TAFA4: variants seen among roughly 807,000 people sequenced by gnomAD.
TAFA4 encodes TAFA chemokine like family member 4.
In TAFA4, 20 loss-of-function variants were observed where a neutral mutation model predicts 21.1. The ratio of observed to expected loss-of-function variants is 0.95; its 90% CI spans 0.67 to 1.38. TAFA4 has a LOEUF of 1.38. Among genes scored for constraint, TAFA4 ranks in the 40% most tolerant of loss-of-function variants. TAFA4 has a pLI of 0.00. For synonymous variants in TAFA4, 71 were observed against 67.4 expected, an observed-to-expected ratio of 1.05 and a Z score of -0.26; for missense variants, 211 against 180.9, an observed-to-expected ratio of 1.17 and a Z score of -0.95.
chr3:68,772,387 G>C (rs1702974242), intron 3 of TAFA4, among the ~76,000 whole-genome samples: 1 of 152,188 alleles, frequency 6.6e-6, no homozygotes, highest in South Asian at 2.1e-4. Context: ...GGACTGAGTA[G>C]GGAAGAGCCA....
At chr3:68,825,542 T>C (rs1704210655) in intron 3 of TAFA4, among the ~76,000 whole-genome samples, 1 of 147,434 alleles carries the variant, frequency 6.8e-6, no homozygotes, top group Non-Finnish European at 1.5e-5. Context: ...CTAGAGTGTG[T>C]GCAGTCACTG....
At chr3:68,841,540 T>C (rs1039575538) in intron 3 of TAFA4, among the ~76,000 whole-genome samples, 2 of 152,078 alleles carry the variant, frequency 1.3e-5, no homozygotes, top group African/African-American at 4.8e-5. Flanking sequence ...TAGAGGGGTT[T>C]AAGAGGAACT....
intron 3 of TAFA4, among the ~76,000 whole-genome samples, chr3:68,817,006 C>G (rs1189746623): frequency 6.6e-6 from 1 of 152,158 alleles, no homozygotes; most frequent in Admixed American, 6.5e-5. Context: ...GTGGCAATTT[C>G]TTAAAGTAAG....
intron 3 of TAFA4, among the ~76,000 whole-genome samples, chr3:68,799,363 C>A (rs1052765751): frequency 6.6e-6 from 1 of 152,114 alleles, no homozygotes; most frequent in Admixed American, 6.5e-5. Flanking sequence ...GCTCTGCAGT[C>A]CCTTTCATAA....
chr3:68,875,583 G>A lies in TAFA4; in HGVS notation c.130+5147C>T, dbSNP rs552813625. Among the ~76,000 whole-genome samples the A allele has an allele frequency of 2.3e-3, 357 of 152,214 alleles. 2 individuals carry two copies. Among genetic ancestry groups the A allele is most frequent in the African/African-American group, 8.3e-3 (343 of 41,534 alleles). On this transcript the variant is annotated intron_variant, in intron 3 of 5. Transcript: ENST00000295569. Reference sequence around the variant, plus strand: ...TGAAATAACCATTCACTGGAAGTGGGACAGGAAGAAGGAAGATAGAGAAAA... The same window carrying A: ...TGAAATAACCATTCACTGGAAGTGGAACAGGAAGAAGGAAGATAGAGAAAA...
intron 3 of TAFA4, among the ~76,000 whole-genome samples, chr3:68,804,311 A>C (rs569552417): frequency 4.6e-5 from 7 of 152,308 alleles, no homozygotes; most frequent in African/African-American, 1.4e-4. Flanking sequence ...GATACAAACA[A>C]ATGGAAGAAC....
chr3:68,795,841 C>G (rs1703444890), intron 3 of TAFA4, among the ~76,000 whole-genome samples: 1 of 152,094 alleles, frequency 6.6e-6, no homozygotes. Context: ...TTGTTTGTAC[C>G]TGTCCTCTTT....
At chr3:68,854,055 A>C (rs997835545) in intron 3 of TAFA4, among the ~76,000 whole-genome samples, 1 of 152,208 alleles carries the variant, frequency 6.6e-6, no homozygotes, top group East Asian at 1.9e-4. Flanking sequence ...AAATGAAAAT[A>C]TAATAGGATG....
At chr3:68,742,899 C>T (rs947981364) in intron 4 of TAFA4, among the ~76,000 whole-genome samples, 1 of 152,174 alleles carries the variant, frequency 6.6e-6, no homozygotes, top group African/African-American at 2.4e-5. Context: ...ACCTCCCTCC[C>T]TTATGCATCT....
rs977247224 is a variant in TAFA4, at chr3:68,732,261, C to A, written c.*881G>T. On this transcript the variant is annotated 3_prime_UTR_variant, in exon 6 of 6. Transcript: ENST00000295569. The stretch of plus-strand genomic sequence containing the variant: ...TCTAAAAATTCAGCACTGAAAGACT[C>A]CTGTCTCGGAGTTAAAATCTTTTCA... The A allele has an allele frequency of 6.6e-6, 1 of 152,500 alleles. No individual in the cohort carries two copies. Among genetic ancestry groups the A allele is most frequent in the Admixed American group, 6.6e-5 (1 of 15,226 alleles). 9.4% of individuals were successfully genotyped at this position (152,500 alleles called of 1,614,324 possible).
chr3:68,879,155 A>G (rs1360157742), intron 3 of TAFA4, among the ~76,000 whole-genome samples: 1 of 152,156 alleles, frequency 6.6e-6, no homozygotes, highest in East Asian at 1.9e-4. Flanking sequence ...CAGTGCCAGG[A>G]GCCTCTCTGG....
At chr3:68,773,327 G>T (rs980422930) in intron 3 of TAFA4, among the ~76,000 whole-genome samples, 1 of 152,066 alleles carries the variant, frequency 6.6e-6, no homozygotes, top group South Asian at 2.1e-4. Context: ...GGTCTGGAAG[G>T]GTCCTCGATG....
At chr3:68,908,476 A>G (rs923139512) in intron 1 of TAFA4, among the ~76,000 whole-genome samples, 2 of 152,030 alleles carry the variant, frequency 1.3e-5, no homozygotes, top group Admixed American at 1.3e-4. Flanking sequence ...GAATGACCTG[A>G]AGCTAAGAAG....
At chr3:68,859,925 T>A (rs2089309586) in intron 3 of TAFA4, among the ~76,000 whole-genome samples, 2 of 152,188 alleles carry the variant, frequency 1.3e-5, no homozygotes, top group African/African-American at 4.8e-5. Flanking sequence ...AAGAATCTTC[T>A]GCAAGATAGT....
chr3:68,780,042 G>A (rs1331272771), intron 3 of TAFA4, among the ~76,000 whole-genome samples: 1 of 152,222 alleles, frequency 6.6e-6, no homozygotes, highest in East Asian at 1.9e-4. Context: ...GAGACATGGA[G>A]TCAAAGGATA....
At chr3:68,901,755 T>C (rs575969296) in intron 1 of TAFA4, among the ~76,000 whole-genome samples, 12 of 152,254 alleles carry the variant, frequency 7.9e-5, no homozygotes, top group African/African-American at 2.6e-4. Context: ...TGAAACAAAC[T>C]GCAAAAGCTG....
At chr3:68,780,494 T>C (rs1194819471) in intron 3 of TAFA4, among the ~76,000 whole-genome samples, 1 of 152,202 alleles carries the variant, frequency 6.6e-6, no homozygotes, top group Non-Finnish European at 1.5e-5. Flanking sequence ...TATGCTGTTC[T>C]TGTGATAGTG....
chr3:68,847,943 T>C (rs1375766568), intron 3 of TAFA4, among the ~76,000 whole-genome samples: 6 of 152,244 alleles, frequency 3.9e-5, no homozygotes, highest in Non-Finnish European at 7.3e-5. Context: ...GTTTCTACTT[T>C]GCGTCAAGAC....
chr3:68,777,102 A>T (rs2106790886), intron 3 of TAFA4, among the ~76,000 whole-genome samples: 1 of 151,652 alleles, frequency 6.6e-6, no homozygotes, highest in East Asian at 1.9e-4. Context: ...CAATATATAT[A>T]TAACGAAATA....
Sources: gnomAD v4.1 joint callset for allele counts (sites outside exome capture counted in the v4.1 genomes callset) on GRCh38, gnomAD v4.1.1 for gene constraint, MANE v1.5 for transcripts, NCBI Gene and HGNC (gene_info 2026-07-23, HGNC 2026-07-21) for gene names.